Variants in GALNTL6 observed in about 807,000 individuals in gnomAD.
GALNTL6 encodes polypeptide N-acetylgalactosaminyltransferase like 6, also known as polypeptide N-acetylgalactosaminyltransferase-like 6.
GALNTL6 carries 46 observed loss-of-function variants against 73.7 expected under a neutral mutation model. That is an observed-to-expected ratio of 0.62 (90% confidence interval 0.49 to 0.80). The LOEUF is 0.80. Ranked by LOEUF, GALNTL6 falls within the 30% of genes least tolerant of loss-of-function variation. The pLI, the probability that GALNTL6 is intolerant of heterozygous loss-of-function variation, is 0.00. For missense variants in GALNTL6, 604 were observed against 755.0 expected (o/e 0.80, Z 2.34); for synonymous variants, 259 against 263.7 (o/e 0.98, Z 0.17).
At chr4:172,304,993 C>A (rs1740076043) in intron 3 of GALNTL6, among the ~76,000 whole-genome samples, 2 of 152,118 alleles carry the variant, frequency 1.3e-5, no homozygotes, top group Admixed American at 6.6e-5. Context: ...TCATTCAATT[C>A]CACAAATATG....
At chr4:172,893,286 C>T (rs1256482502) in intron 8 of GALNTL6, among the ~76,000 whole-genome samples, 1 of 152,038 alleles carries the variant, frequency 6.6e-6, no homozygotes, top group Non-Finnish European at 1.5e-5. Context: ...AGAGGGGCAC[C>T]CAGCTCCCAC....
chr4:172,535,666 A>G (rs1735324208), intron 5 of GALNTL6, among the ~76,000 whole-genome samples: 1 of 152,228 alleles, frequency 6.6e-6, no homozygotes, highest in Non-Finnish European at 1.5e-5. Flanking sequence ...ATCTCAGTAC[A>G]TTCATTTTTA....
intron 10 of GALNTL6, among the ~76,000 whole-genome samples, chr4:172,959,978 G>A (rs1172989925): frequency 6.6e-6 from 1 of 152,186 alleles, no homozygotes; most frequent in East Asian, 1.9e-4. Context: ...TTGCTACTTG[G>A]CTGCCTCTAC....
At chr4:171,883,625 C>T (rs149302725) in intron 2 of GALNTL6, among the ~76,000 whole-genome samples, 2 of 151,638 alleles carry the variant, frequency 1.3e-5, no homozygotes, top group East Asian at 3.9e-4. Flanking sequence ...CTAAATTATA[C>T]ATGTTCTTAT....
intron 5 of GALNTL6, chr4:172,425,245 G>T (rs1731186430): frequency 6.6e-6 from 1 of 151,982 alleles, no homozygotes. Context: ...TCACACAAAG[G>T]TATGCAATGA....
At chr4:172,249,287 A>G (rs1045240518) in intron 3 of GALNTL6, among the ~76,000 whole-genome samples, 1 of 152,236 alleles carries the variant, frequency 6.6e-6, no homozygotes, top group Non-Finnish European at 1.5e-5. Context: ...CTAGAGATCT[A>G]TGAAACTTTG....
intron 4 of GALNTL6, among the ~76,000 whole-genome samples, chr4:172,334,175 C>G (rs1741231012): frequency 6.6e-6 from 1 of 152,246 alleles, no homozygotes; most frequent in Non-Finnish European, 1.5e-5. Flanking sequence ...ATTTTGAACT[C>G]AGGTCATGTG....
chr4:172,456,387 G>A (rs1006974984), intron 5 of GALNTL6, among the ~76,000 whole-genome samples: 11 of 151,716 alleles, frequency 7.3e-5, no homozygotes, highest in Admixed American at 7.2e-4. Flanking sequence ...CAGAAGGTGG[G>A]TAATAACAAA....
At chr4:172,651,307 C>G (rs1413221526) in intron 5 of GALNTL6, among the ~76,000 whole-genome samples, 4 of 152,190 alleles carry the variant, frequency 2.6e-5, no homozygotes. Context: ...GATATTGCAA[C>G]AGGAATTACT....
intron 5 of GALNTL6, among the ~76,000 whole-genome samples, chr4:172,664,006 C>T (rs1366381116): frequency 6.6e-6 from 1 of 151,668 alleles, no homozygotes; most frequent in Non-Finnish European, 1.5e-5. Context: ...CAATATGCAA[C>T]TGCAGAATAA....
chr4:171,837,745 G>A (rs1474445249), intron 2 of GALNTL6, among the ~76,000 whole-genome samples: 2 of 148,072 alleles, frequency 1.4e-5, no homozygotes, highest in African/African-American at 2.5e-5. Flanking sequence ...TGAAGTTTAA[G>A]TTTAAGATTG....
intron 2 of GALNTL6, among the ~76,000 whole-genome samples, chr4:171,854,213 T>C (rs1211592383): frequency 1.3e-5 from 2 of 152,288 alleles, no homozygotes; most frequent in East Asian, 3.9e-4. Flanking sequence ...GATACCAGTG[T>C]CTGGCCTGCT....
chr4:172,492,945 C>T (rs1733948177), intron 5 of GALNTL6, among the ~76,000 whole-genome samples: 1 of 152,094 alleles, frequency 6.6e-6, no homozygotes, highest in African/African-American at 2.4e-5. Flanking sequence ...GAGGTGGTAA[C>T]AGTAACAAAG....
intron 5 of GALNTL6, among the ~76,000 whole-genome samples, chr4:172,404,987 A>T (rs1744159091): frequency 6.6e-6 from 1 of 152,060 alleles, no homozygotes; most frequent in Non-Finnish European, 1.5e-5. Flanking sequence ...AAGCAGGGCT[A>T]CCGGTCTCTC....
intron 5 of GALNTL6, among the ~76,000 whole-genome samples, chr4:172,491,072 T>G (rs1561108917): frequency 1.3e-5 from 2 of 152,114 alleles, no homozygotes; most frequent in Non-Finnish European, 2.9e-5. Context: ...TTAACCAAGC[T>G]GCTGTTATGG....
chr4:172,055,181 C>T (rs1406616005), intron 2 of GALNTL6, among the ~76,000 whole-genome samples: 2 of 152,102 alleles, frequency 1.3e-5, no homozygotes, highest in Non-Finnish European at 2.9e-5. Flanking sequence ...AGAAAATTTC[C>T]CCTGCTTTCC....
At chr4:173,010,573 G>GT (rs1036566413) in intron 11 of GALNTL6, among the ~76,000 whole-genome samples, 93 of 150,832 alleles carry the variant, frequency 6.2e-4, no homozygotes, top group Middle Eastern at 3.4e-3. Context: ...TTTTTAGTGT[G>GT]TTTTTTTTGT....
chr4:172,274,329 C>G (rs1738757140), intron 3 of GALNTL6, among the ~76,000 whole-genome samples: 1 of 152,162 alleles, frequency 6.6e-6, no homozygotes, highest in Non-Finnish European at 1.5e-5. Flanking sequence ...TTTTATATTT[C>G]ATACTTTACA....
intron 2 of GALNTL6, among the ~76,000 whole-genome samples, chr4:172,091,106 T>TTTC (rs1183582710): frequency 1.3e-5 from 2 of 152,106 alleles, no homozygotes; most frequent in Non-Finnish European, 2.9e-5. Context: ...TAATTACAAG[T>TTTC]TTCTTTTTTT....
Sources: gnomAD v4.1 joint callset for allele counts (sites outside exome capture counted in the v4.1 genomes callset) on GRCh38, gnomAD v4.1.1 for gene constraint, MANE v1.5 for transcripts, NCBI Gene and HGNC (gene_info 2026-07-23, HGNC 2026-07-21) for gene names.